LAMA3: variants seen among roughly 807,000 people sequenced by gnomAD.
The protein encoded by LAMA3 is laminin subunit alpha-3.
A neutral mutation model predicts 402.0 loss-of-function variants in LAMA3; 281 were observed. That is an observed-to-expected ratio of 0.70 (90% CI 0.63 to 0.77). The LOEUF is 0.77. LAMA3 is among the 30% of genes least tolerant of loss of function. LAMA3 has a pLI of 0.00. For missense variants in LAMA3, 3,840 were observed against 4,215.5 expected, an observed-to-expected ratio of 0.91 and a Z score of 2.47; for synonymous variants, 1,431 against 1,558.4, an observed-to-expected ratio of 0.92 and a Z score of 1.93.
chr18:23,844,430 T>C (rs1435263085), intron 29 of LAMA3, among the ~76,000 whole-genome samples: 1 of 152,234 alleles, frequency 6.6e-6, no homozygotes, highest in Non-Finnish European at 1.5e-5. Context: ...ACATCAGGCA[T>C]GGGTCACATG....
chr18:23,926,528 C>A (rs2082008058), intron 62 of LAMA3, among the ~76,000 whole-genome samples: 1 of 152,156 alleles, frequency 6.6e-6, no homozygotes, highest in South Asian at 2.1e-4. Context: ...CTTTCTTTTC[C>A]TTTTAATGAA....
chr18:23,737,020 C>T (rs2061487596), intron 2 of LAMA3, among the ~76,000 whole-genome samples: 2 of 152,082 alleles, frequency 1.3e-5, no homozygotes, highest in East Asian at 1.9e-4. Context: ...AATGCTTCCC[C>T]CACCCCCACC....
chr18:23,773,465 C>A, intron 8 of LAMA3, 32 bp from the exon 9 acceptor site: 1 of 1,370,392 alleles, frequency 7.3e-7, no homozygotes. Context: ...TCCCCAGAAC[C>A]CTTCCTTTAA....
chr18:23,719,244 C>A (rs2061166728), intron 2 of LAMA3, among the ~76,000 whole-genome samples: 1 of 152,088 alleles, frequency 6.6e-6, no homozygotes, highest in Admixed American at 6.6e-5. Flanking sequence ...CCTGCAGCCC[C>A]AACCACTCAG....
intron 1 of LAMA3, among the ~76,000 whole-genome samples, chr18:23,702,357 G>A (rs1017116359): frequency 3.3e-5 from 5 of 152,248 alleles, no homozygotes; most frequent in Admixed American, 1.3e-4. Flanking sequence ...TAGAGACAGC[G>A]TCTTGCTTTG....
At chr18:23,708,084 G>A (rs1393162710) in intron 1 of LAMA3, among the ~76,000 whole-genome samples, 2 of 152,130 alleles carry the variant, frequency 1.3e-5, no homozygotes, top group Non-Finnish European at 2.9e-5. Flanking sequence ...ATCTGAAGTT[G>A]AATTGCATTT....
At chr18:23,933,682 C>T in intron 66 of LAMA3, 100 bp from the exon 67 acceptor site, 6 of 1,321,598 alleles carry the variant, frequency 4.5e-6, no homozygotes, top group East Asian at 2.4e-5. Flanking sequence ...CCCTCTTCAT[C>T]CCCAAAACAT....
intron 1 of LAMA3, among the ~76,000 whole-genome samples, chr18:23,699,056 A>AGAGAGAGAGAGAGAGAGAG (rs2060742839): frequency 7.1e-6 from 1 of 140,894 alleles, no homozygotes; most frequent in African/African-American, 2.9e-5. Flanking sequence ...GAGAGAGAGA[A>AGAGAGAGAGAGAGAGAGAG]AGAAAAGAAA....
intron 23 of LAMA3, 25 bp downstream of exon 23, chr18:23,827,492 C>T: frequency 1.9e-6 from 3 of 1,612,112 alleles, no homozygotes. Flanking sequence ...TATTTATTAT[C>T]AAAGTTATTA....
At chr18:23,708,358 T>C (rs1297076066) in intron 1 of LAMA3, among the ~76,000 whole-genome samples, 1 of 152,240 alleles carries the variant, frequency 6.6e-6, no homozygotes, top group Non-Finnish European at 1.5e-5. Flanking sequence ...TAAAGTTTCA[T>C]ATAAATTTTA....
At chr18:23,733,387 C>G (rs181601412) in intron 2 of LAMA3, among the ~76,000 whole-genome samples, 2 of 152,108 alleles carry the variant, frequency 1.3e-5, no homozygotes, top group East Asian at 3.9e-4. Flanking sequence ...TGGCAGAAGG[C>G]GAAAAGCATG....
chr18:23,875,607 C>T (rs2064684191), intron 38 of LAMA3, among the ~76,000 whole-genome samples: 1 of 152,162 alleles, frequency 6.6e-6, no homozygotes, highest in Admixed American at 6.5e-5. Context: ...AGTGACTCCA[C>T]TGATTGTGGC....
intron 1 of LAMA3, among the ~76,000 whole-genome samples, chr18:23,712,401 A>G (rs1317891588): frequency 6.7e-6 from 1 of 149,086 alleles, no homozygotes; most frequent in Admixed American, 6.7e-5. Context: ...AAAAAAAGTT[A>G]TTCATTAAGC....
intron 14 of LAMA3, among the ~76,000 whole-genome samples, chr18:23,813,881 G>A (rs1214497398): frequency 6.6e-6 from 1 of 152,126 alleles, no homozygotes; most frequent in African/African-American, 2.4e-5. Context: ...GAAATTGTCT[G>A]TCTTCTTGGC....
chr18:23,848,137 CT>C (rs1295913747), intron 32 of LAMA3, among the ~76,000 whole-genome samples: 3 of 152,186 alleles, frequency 2.0e-5, no homozygotes, highest in Non-Finnish European at 4.4e-5. Context: ...GAAATCCCAC[CT>C]AGCTGATTTG....
intron 32 of LAMA3, among the ~76,000 whole-genome samples, chr18:23,852,415 GGCAT>G (rs1199068098): frequency 6.6e-6 from 1 of 152,080 alleles, no homozygotes. Flanking sequence ...TTATCTTCTT[GGCAT>G]GTATTTCTGT....
intron 44 of LAMA3, among the ~76,000 whole-genome samples, chr18:23,897,311 T>C (rs2080907651): frequency 2.6e-5 from 4 of 152,192 alleles, no homozygotes; most frequent in Admixed American, 2.6e-4. Flanking sequence ...AAAAGATTAT[T>C]CTAGAAAAAT....
chr18:23,884,703 G>A lies in LAMA3; in HGVS notation c.5223-70G>A, dbSNP rs45489694. ...CTCACTTAATACAAGCCAGTCCTTT[G>A]TGGTAAAAAATAAGCATAAATCCTA... is the stretch of plus-strand genomic sequence containing the variant. On this transcript the variant is annotated intron_variant, in intron 40 of 74. Coordinates refer to ENST00000313654, the MANE Select transcript of LAMA3 (RefSeq NM_198129.4). 4,486 of 1,356,050 alleles carry A rather than the reference G, an allele frequency of 3.3e-3. 11 individuals carry two copies. Among genetic ancestry groups the A allele is most frequent in the Non-Finnish European group, 4.1e-3 (3,869 of 945,468 alleles). 84.0% of individuals were successfully genotyped at this position (1,356,050 alleles called of 1,614,324 possible). A position where few individuals can be genotyped will look rare whatever the true frequency, so the allele number is the denominator to read the frequency against.
intron 61 of LAMA3, 116 bp downstream of exon 61, chr18:23,921,170 G>A: frequency 2.6e-6 from 3 of 1,169,552 alleles, no homozygotes; most frequent in South Asian, 2.6e-5. Flanking sequence ...ACTTATGGAT[G>A]TTAACTGAGG....
Sources: allele counts gnomAD v4.1 joint callset (sites outside exome capture counted in the v4.1 genomes callset), GRCh38; gene constraint gnomAD v4.1.1; transcripts MANE v1.5; gene names NCBI Gene and HGNC (gene_info 2026-07-23, HGNC 2026-07-21).